Variants in KCNG3 observed in about 807,000 individuals in gnomAD.
KCNG3 encodes voltage-gated potassium channel regulatory subunit KCNG3.
Under a neutral mutation model 29.0 loss-of-function variants are expected in KCNG3, and 15 were observed. The ratio of observed to expected loss-of-function variants is 0.52; its 90% CI spans 0.35 to 0.80. The LOEUF is 0.80. Among genes scored for constraint, KCNG3 ranks in the 30% least tolerant of loss-of-function variants. The probability of loss-of-function intolerance (pLI) is 0.01; values close to 1 mark genes in which losing one functional copy is unlikely to be tolerated. For synonymous variants in KCNG3, 322 were observed against 248.9 expected (o/e 1.29, Z -2.76); for missense variants, 512 against 605.7 (o/e 0.85, Z 1.62).
At chr2:42,422,349 G>T in the KCNG3 span, among the ~76,000 whole-genome samples, 1 of 152,026 alleles carries the variant, frequency 6.6e-6, no homozygotes, top group African/African-American at 2.4e-5. Context: ...CATGCCTTCT[G>T]CCATGTTATG....
the KCNG3 span, among the ~76,000 whole-genome samples, chr2:42,392,759 G>A: frequency 2.0e-4 from 30 of 151,916 alleles, no homozygotes; most frequent in African/African-American, 7.0e-4. Context: ...GCATCTCATC[G>A]TCTGGACGCA....
chr2:42,441,494 T>C (rs182466331), downstream of KCNG3, among the ~76,000 whole-genome samples: 288 of 152,168 alleles, frequency 1.9e-3, 1 homozygote, highest in African/African-American at 6.5e-3. Flanking sequence ...GACAAAACCC[T>C]AATACATATT....
the KCNG3 span, among the ~76,000 whole-genome samples, chr2:42,421,065 C>G: frequency 6.6e-6 from 1 of 152,130 alleles, no homozygotes. Flanking sequence ...GAGTAGAACA[C>G]AAATCATGAA....
intron 1 of KCNG3, among the ~76,000 whole-genome samples, chr2:42,481,997 T>C (rs762236673): frequency 6.6e-6 from 1 of 152,172 alleles, no homozygotes; most frequent in Non-Finnish European, 1.5e-5. Flanking sequence ...TTACATTGTG[T>C]TTTTTCTTTT....
At chr2:42,459,395 TC>T (rs1672961850) in intron 1 of KCNG3, among the ~76,000 whole-genome samples, 1 of 152,120 alleles carries the variant, frequency 6.6e-6, no homozygotes, top group Non-Finnish European at 1.5e-5. Context: ...TTTCTCACCC[TC>T]CCTGCCTGGC....
chr2:42,428,988 G>A, the KCNG3 span, among the ~76,000 whole-genome samples: 2 of 152,044 alleles, frequency 1.3e-5, no homozygotes, highest in Admixed American at 6.6e-5. Flanking sequence ...GTGTAGTGGT[G>A]CACTCTTGTA....
At chr2:42,470,305 A>G in intron 1 of KCNG3, 1 of 314,596 alleles carries the variant, frequency 3.2e-6, no homozygotes, top group Non-Finnish European at 6.3e-6. Flanking sequence ...AATTGTTTAA[A>G]TTTTAAAAAA....
the KCNG3 span, chr2:42,424,778 G>A: frequency 6.6e-6 from 1 of 152,040 alleles, no homozygotes; most frequent in African/African-American, 2.4e-5. Context: ...TTTATGCCCA[G>A]CTCTCAAAGC....
At chr2:42,454,093 C>CAAAAAA (rs11322972) in intron 1 of KCNG3, among the ~76,000 whole-genome samples, 1 of 134,938 alleles carries the variant, frequency 7.4e-6, no homozygotes, top group African/African-American at 2.7e-5. Flanking sequence ...GCTACTATAC[C>CAAAAAA]AAAAAAAAAA....
chr2:42,422,723 A>G, the KCNG3 span, among the ~76,000 whole-genome samples: 1 of 152,168 alleles, frequency 6.6e-6, no homozygotes, highest in Non-Finnish European at 1.5e-5. Flanking sequence ...GATGATGTTT[A>G]TATTTCCACC....
chr2:42,479,877 T>A (rs1673539359), intron 1 of KCNG3, among the ~76,000 whole-genome samples: 1 of 152,098 alleles, frequency 6.6e-6, no homozygotes, highest in African/African-American at 2.4e-5. Flanking sequence ...CCAGGCGTGT[T>A]GGTACATGTC....
At chr2:42,454,670 C>T (rs1672837318) in intron 1 of KCNG3, among the ~76,000 whole-genome samples, 1 of 148,720 alleles carries the variant, frequency 6.7e-6, no homozygotes, top group Non-Finnish European at 1.5e-5. Flanking sequence ...CAAGATCGTG[C>T]CATTGTACTG....
chr2:42,477,388 T>TACACACACAC (rs1210808896), intron 1 of KCNG3, among the ~76,000 whole-genome samples: 42 of 104,786 alleles, frequency 4.0e-4, no homozygotes, highest in African/African-American at 1.6e-3. Flanking sequence ...CACATATATA[T>TACACACACAC]ACACACACAC....
At chr2:42,399,919 T>C in the KCNG3 span, among the ~76,000 whole-genome samples, 1 of 152,070 alleles carries the variant, frequency 6.6e-6, no homozygotes, top group African/African-American at 2.4e-5. Flanking sequence ...ACTCTTTGAG[T>C]TCTTCAGGAC....
At chr2:42,467,281 G>A (rs1295289213) in intron 1 of KCNG3, among the ~76,000 whole-genome samples, 4 of 152,092 alleles carry the variant, frequency 2.6e-5, no homozygotes, top group Admixed American at 2.6e-4. Flanking sequence ...TGATTTTACA[G>A]GCAAGTTCTA....
the KCNG3 span, among the ~76,000 whole-genome samples, chr2:42,393,110 T>C: frequency 1.3e-5 from 2 of 152,064 alleles, no homozygotes; most frequent in Non-Finnish European, 2.9e-5. Flanking sequence ...AAAATAGGGA[T>C]AATAATAGTA....
In KCNG3 at chr2:42,493,038, TC is replaced by T; in HGVS notation, c.463del (p.Glu155SerfsTer27). The T allele has an allele frequency of 6.6e-7, 1 of 1,519,324 alleles. No homozygotes were observed. The highest frequency in any genetic ancestry group is 8.8e-7 in the Non-Finnish European group (1 of 1,138,632). 94.1% of individuals were successfully genotyped at this position (1,519,324 alleles called of 1,614,324 possible). ...AEAAPSRRWL[E>X]RMRRTFEEPT... ...CTCCTCGAAGGTCCGCCGCATGCGC[TC>T]CAGCCAGCGCCTGGAGGGAGCCGCC... is the stretch of plus-strand genomic sequence containing the variant. On this transcript the variant is annotated frameshift_variant, in exon 1 of 2. Coordinates refer to ENST00000306078, the MANE Select transcript of KCNG3 (RefSeq NM_133329.6). LOFTEE classifies it high-confidence loss of function.
the KCNG3 span, among the ~76,000 whole-genome samples, chr2:42,412,860 C>T: frequency 6.6e-6 from 1 of 152,176 alleles, no homozygotes; most frequent in Admixed American, 6.5e-5. Flanking sequence ...TCCCTGCTGG[C>T]GTCTGAAATA....
the KCNG3 span, among the ~76,000 whole-genome samples, chr2:42,398,743 C>A: frequency 2.9e-3 from 448 of 152,260 alleles, 1 homozygote; most frequent in African/African-American, 0.01. Flanking sequence ...AGGAGCCGGG[C>A]TCATTTTGGG....
Sources: gnomAD v4.1 joint callset for allele counts (sites outside exome capture counted in the v4.1 genomes callset) on GRCh38, gnomAD v4.1.1 for gene constraint, MANE v1.5 for transcripts, NCBI Gene and HGNC (gene_info 2026-07-23, HGNC 2026-07-21) for gene names.